The following FRMD6 variants were observed in gnomAD, a reference collection of about 807,000 sequenced individuals.
FRMD6 encodes the protein FERM domain-containing protein 6.
FRMD6 carries 37 observed loss-of-function variants against 73.2 expected under a neutral mutation model. The observed-to-expected ratio is 0.51, with a 90% CI of 0.39 to 0.66. FRMD6 has a LOEUF of 0.66. Among genes scored for constraint, FRMD6 ranks in the 30% least tolerant of loss-of-function variants. The probability of loss-of-function intolerance (pLI) is 0.00; values close to 1 mark genes in which losing one functional copy is unlikely to be tolerated. For synonymous variants in FRMD6, 273 were observed against 282.2 expected (o/e 0.97, Z 0.33); for missense variants, 714 against 780.5 (o/e 0.91, Z 1.02).
intron 2 of FRMD6, chr14:51,579,037 A>G (rs1317138219): frequency 6.6e-6 from 1 of 152,178 alleles, no homozygotes; most frequent in Non-Finnish European, 1.5e-5. Context: ...AGAGGAAGAG[A>G]TCTAGGTGGG....
intron 2 of FRMD6, among the ~76,000 whole-genome samples, chr14:51,624,259 C>T (rs1891037690): frequency 6.6e-6 from 1 of 152,126 alleles, no homozygotes; most frequent in Admixed American, 6.5e-5. Context: ...CAAATGCTTA[C>T]CTATGTAACA....
intron 1 of FRMD6, among the ~76,000 whole-genome samples, chr14:51,497,807 C>T (rs1883390814): frequency 6.6e-6 from 1 of 152,166 alleles, no homozygotes; most frequent in African/African-American, 2.4e-5. Context: ...CTAGTGGTTA[C>T]CATCCTGGGC....
the FRMD6 span, among the ~76,000 whole-genome samples, chr14:51,474,536 A>C: frequency 2.0e-5 from 3 of 152,246 alleles, no homozygotes; most frequent in South Asian, 6.2e-4. Context: ...TTGCCTTTGA[A>C]CTAGTGAGAT....
chr14:51,479,685 G>A, the FRMD6 span, among the ~76,000 whole-genome samples: 1 of 152,306 alleles, frequency 6.6e-6, no homozygotes, highest in African/African-American at 2.4e-5. Context: ...CTTTTAATAG[G>A]AGGTAAGAGA....
intron 1 of FRMD6, among the ~76,000 whole-genome samples, chr14:51,542,330 G>A (rs556603505): frequency 4.3e-4 from 66 of 152,114 alleles, no homozygotes; most frequent in Non-Finnish European, 7.4e-4. Context: ...TCTGCTTTCA[G>A]TATCCATGGA....
chr14:51,687,924 T>C (rs1260109077), intron 1 of FRMD6, among the ~76,000 whole-genome samples: 1 of 152,182 alleles, frequency 6.6e-6, no homozygotes, highest in Non-Finnish European at 1.5e-5. Flanking sequence ...TTCTGCTAAG[T>C]AAAGTGGTGG....
At chr14:51,651,433 C>A (rs559387936), upstream of FRMD6, 5 of 152,370 alleles carry the variant, frequency 3.3e-5, no homozygotes, top group South Asian at 8.3e-4. Context: ...AAACAGCCGC[C>A]CCCGGCCAGC....
At chr14:51,654,395 TAGAC>T (rs1208146132) in intron 1 of FRMD6, among the ~76,000 whole-genome samples, 1 of 151,972 alleles carries the variant, frequency 6.6e-6, no homozygotes, top group Non-Finnish European at 1.5e-5. Context: ...TATGATGTAA[TAGAC>T]TGCGTAGCCT....
intron 1 of FRMD6, among the ~76,000 whole-genome samples, chr14:51,498,031 A>C (rs1238338215): frequency 6.6e-6 from 1 of 152,200 alleles, no homozygotes; most frequent in Non-Finnish European, 1.5e-5. Flanking sequence ...GGAAATGAGG[A>C]ACAGTCTTAC....
intron 9 of FRMD6, among the ~76,000 whole-genome samples, chr14:51,712,777 C>G (rs1042051048): frequency 3.3e-5 from 5 of 152,168 alleles, no homozygotes; most frequent in African/African-American, 1.2e-4. Context: ...AAGAATCTTA[C>G]AGTAAAGACT....
chr14:51,426,535 A>G, the FRMD6 span, among the ~76,000 whole-genome samples: 2 of 152,194 alleles, frequency 1.3e-5, no homozygotes, highest in African/African-American at 4.8e-5. Context: ...AGAAGACTAT[A>G]TGTATTTTTG....
intron 1 of FRMD6, among the ~76,000 whole-genome samples, chr14:51,551,712 G>C (rs1400849716): frequency 6.6e-6 from 1 of 151,900 alleles, no homozygotes; most frequent in African/African-American, 2.4e-5. Flanking sequence ...ACTCCAGCCT[G>C]GGTGACAAAA....
chr14:51,491,916 A>G (rs1426388082), intron 1 of FRMD6, among the ~76,000 whole-genome samples: 1 of 152,176 alleles, frequency 6.6e-6, no homozygotes, highest in Admixed American at 6.5e-5. Context: ...AGACCAAAGG[A>G]CTTCCTCTGC....
At chr14:51,673,663 C>T (rs1273124015) in intron 1 of FRMD6, among the ~76,000 whole-genome samples, 1 of 152,110 alleles carries the variant, frequency 6.6e-6, no homozygotes, top group Non-Finnish European at 1.5e-5. Context: ...CTGGATGTAA[C>T]AGGTTATTTT....
intron 1 of FRMD6, among the ~76,000 whole-genome samples, chr14:51,681,043 T>C (rs1442021313): frequency 6.6e-6 from 1 of 152,212 alleles, no homozygotes; most frequent in Non-Finnish European, 1.5e-5. Context: ...ATTTTTCTCT[T>C]TATTGCAATA....
At chr14:51,407,985 G>A in the FRMD6 span, among the ~76,000 whole-genome samples, 4 of 152,010 alleles carry the variant, frequency 2.6e-5, no homozygotes, top group Non-Finnish European at 4.4e-5. Context: ...TTGTTCTTTA[G>A]GTAGAAGACT....
intron 1 of FRMD6, among the ~76,000 whole-genome samples, chr14:51,655,112 T>A (rs1892726301): frequency 6.6e-6 from 1 of 151,926 alleles, no homozygotes; most frequent in African/African-American, 2.4e-5. Flanking sequence ...TAACACAGTT[T>A]GTGGATTCAG....
chr14:51,646,455 G>A (rs1196746080), intron 2 of FRMD6, among the ~76,000 whole-genome samples: 1 of 151,404 alleles, frequency 6.6e-6, no homozygotes, highest in East Asian at 1.9e-4. Flanking sequence ...TGAGACATAA[G>A]TCAAAGAGTA....
chr14:51,672,152 G>A (rs1163846396), intron 1 of FRMD6, among the ~76,000 whole-genome samples: 1 of 152,206 alleles, frequency 6.6e-6, no homozygotes, highest in Admixed American at 6.5e-5. Context: ...AGGTGGAAGT[G>A]ATCCAGTCAA....
Sources: allele counts gnomAD v4.1 joint callset (sites outside exome capture counted in the v4.1 genomes callset), GRCh38; gene constraint gnomAD v4.1.1; transcripts MANE v1.5; gene names NCBI Gene and HGNC (gene_info 2026-07-23, HGNC 2026-07-21).